The following SAMSN1 variants were observed in gnomAD, a reference collection of about 807,000 sequenced individuals.
SAMSN1 encodes SAM domain-containing protein SAMSN-1.
A neutral mutation model predicts 42.0 loss-of-function variants in SAMSN1; 31 were observed. The ratio of observed to expected loss-of-function variants is 0.74; its 90% CI spans 0.55 to 1.00. The LOEUF (loss-of-function observed/expected upper bound fraction) is 1.00, where lower values mean the gene tolerates loss of function less well. Ranked by LOEUF, SAMSN1 falls within the 50% of genes least tolerant of loss-of-function variation. SAMSN1 has a pLI of 0.00. For missense variants in SAMSN1, 464 were observed against 439.4 expected (o/e 1.06, Z -0.50); for synonymous variants, 178 against 151.9 (o/e 1.17, Z -1.26).
intron 2 of SAMSN1, among the ~76,000 whole-genome samples, chr21:14,573,436 C>G (rs1981363527): frequency 6.6e-6 from 1 of 152,128 alleles, no homozygotes; most frequent in African/African-American, 2.4e-5. Context: ...CTTGCTGGTT[C>G]TGACTTACAT....
intron 2 of SAMSN1, among the ~76,000 whole-genome samples, chr21:14,620,487 C>T (rs1246228850): frequency 6.6e-6 from 1 of 152,184 alleles, no homozygotes; most frequent in Non-Finnish European, 1.5e-5. Flanking sequence ...CATTAAACCT[C>T]TTTCCTTTAT....
At chr21:14,493,074 C>A (rs1222033211) in intron 7 of SAMSN1, among the ~76,000 whole-genome samples, 2 of 152,182 alleles carry the variant, frequency 1.3e-5, no homozygotes, top group Non-Finnish European at 2.9e-5. Context: ...GTGTTCCAGG[C>A]TCCTGGCTGC....
intron 1 of SAMSN1, among the ~76,000 whole-genome samples, chr21:14,653,901 G>C (rs948630431): frequency 6.6e-6 from 1 of 151,536 alleles, no homozygotes; most frequent in Admixed American, 6.6e-5. Flanking sequence ...ATAAATTCAA[G>C]GCATGCTTTG....
intron 1 of SAMSN1, among the ~76,000 whole-genome samples, chr21:14,652,924 A>G (rs1176631408): frequency 1.3e-5 from 2 of 152,130 alleles, no homozygotes; most frequent in Non-Finnish European, 2.9e-5. Flanking sequence ...GCAAACAGGC[A>G]TGTGAAAAAG....
Position 14,500,523 on chromosome 21 carries a change from G to A in SAMSN1, c.768+6C>T. On this transcript the variant is annotated splice_donor_region_variant and intron_variant, in intron 6 of 7. Transcript: ENST00000400566. ...CCAAAAGCAAACAGAACACAGATTT[G>A]CTCACCTGCAGATGAATCCTCTCTA... The A allele has an allele frequency of 6.2e-7, 1 of 1,612,298 alleles. No homozygotes were observed. The highest frequency in any genetic ancestry group is 1.1e-5 in the South Asian group (1 of 91,040).
At chr21:14,631,492 C>T (rs1334629360) in intron 2 of SAMSN1, among the ~76,000 whole-genome samples, 4 of 152,068 alleles carry the variant, frequency 2.6e-5, no homozygotes, top group Non-Finnish European at 4.4e-5. Flanking sequence ...CTCAGCCTTC[C>T]GAGTAGCTGG....
chr21:14,612,989 T>A (rs1168304575), intron 3 of SAMSN1: 1 of 625,926 alleles, frequency 1.6e-6, no homozygotes, highest in Admixed American at 2.7e-5. Flanking sequence ...AATTAGAATA[T>A]GTGCAACACT....
chr21:14,622,047 AC>A (rs1384419978), intron 2 of SAMSN1, among the ~76,000 whole-genome samples: 1 of 152,214 alleles, frequency 6.6e-6, no homozygotes, highest in Non-Finnish European at 1.5e-5. Flanking sequence ...ACACCAACAT[AC>A]CTGCAGCTGA....
chr21:14,651,888 T>C (rs185764649), intron 1 of SAMSN1, among the ~76,000 whole-genome samples: 2 of 151,910 alleles, frequency 1.3e-5, no homozygotes, highest in South Asian at 2.1e-4. Context: ...GGCAACAATA[T>C]AAAAAAGAAA....
At chr21:14,630,958 C>T (rs566004374) in intron 2 of SAMSN1, among the ~76,000 whole-genome samples, 1 of 152,298 alleles carries the variant, frequency 6.6e-6, no homozygotes, top group South Asian at 2.1e-4. Context: ...ACTTGGGAGT[C>T]ACCTACTTTG....
intron 2 of SAMSN1, among the ~76,000 whole-genome samples, chr21:14,568,056 A>G (rs926621742): frequency 2.6e-5 from 4 of 152,204 alleles, no homozygotes; most frequent in Admixed American, 1.3e-4. Context: ...AATGATGTCC[A>G]TTCTAGAAAT....
At chr21:14,648,239 C>A (rs1264567429) in intron 1 of SAMSN1, among the ~76,000 whole-genome samples, 2 of 152,104 alleles carry the variant, frequency 1.3e-5, no homozygotes. Context: ...AAACTGGATC[C>A]CTTCCTTACA....
intron 2 of SAMSN1, among the ~76,000 whole-genome samples, chr21:14,630,797 T>C (rs780917601): frequency 1.3e-5 from 2 of 152,212 alleles, no homozygotes; most frequent in Non-Finnish European, 2.9e-5. Flanking sequence ...ACCTAGCTGA[T>C]GGATGCCATT....
intron 2 of SAMSN1, among the ~76,000 whole-genome samples, chr21:14,577,832 T>C (rs957094992): frequency 6.6e-6 from 1 of 152,188 alleles, no homozygotes; most frequent in Non-Finnish European, 1.5e-5. Flanking sequence ...AGTATACCCT[T>C]TCATAAATCT....
At chr21:14,594,155 G>C (rs1982178141) in intron 6 of SAMSN1, 4 of 613,348 alleles carry the variant, frequency 6.5e-6, no homozygotes, top group Admixed American at 2.8e-5. Flanking sequence ...ACTCCACAAA[G>C]CTACCAAACT....
chr21:14,605,015 A>G (rs1413820357), intron 5 of SAMSN1, among the ~76,000 whole-genome samples: 2 of 152,262 alleles, frequency 1.3e-5, no homozygotes, highest in African/African-American at 4.8e-5. Flanking sequence ...CATGAACTAC[A>G]TGGTAGATTA....
chr21:14,588,517 A>G (rs1170675624), intron 7 of SAMSN1, among the ~76,000 whole-genome samples: 2 of 151,334 alleles, frequency 1.3e-5, no homozygotes, highest in Non-Finnish European at 2.9e-5. Flanking sequence ...GCATTTTTTC[A>G]TGTGTTTTTT....
chr21:14,624,900 C>A (rs756672862), intron 2 of SAMSN1, among the ~76,000 whole-genome samples: 1 of 152,144 alleles, frequency 6.6e-6, no homozygotes. Flanking sequence ...CAAACCGAAT[C>A]CAGTAGCCCA....
chr21:14,647,897 G>T (rs977586785), intron 1 of SAMSN1, among the ~76,000 whole-genome samples: 1 of 151,588 alleles, frequency 6.6e-6, no homozygotes, highest in Non-Finnish European at 1.5e-5. Context: ...CTGAGACAAT[G>T]GAGTTTTCTA....
Sources: allele counts gnomAD v4.1 joint callset (sites outside exome capture counted in the v4.1 genomes callset), GRCh38; gene constraint gnomAD v4.1.1; transcripts MANE v1.5; gene names NCBI Gene and HGNC (gene_info 2026-07-23, HGNC 2026-07-21).